The following PHKB variants were observed in gnomAD, a reference collection of about 807,000 sequenced individuals.
PHKB encodes phosphorylase b kinase regulatory subunit beta.
PHKB carries 122 observed loss-of-function variants against 152.1 expected under a neutral mutation model. That is an observed-to-expected ratio of 0.80 (90% CI 0.69 to 0.93). The LOEUF is 0.93. Ranked by LOEUF, PHKB falls within the 40% of genes least tolerant of loss-of-function variation. PHKB has a pLI of 0.00. For missense variants in PHKB, 1,304 were observed against 1,328.4 expected, an observed-to-expected ratio of 0.98 and a Z score of 0.29; for synonymous variants, 436 against 464.9, an observed-to-expected ratio of 0.94 and a Z score of 0.80.
At chr16:47,694,757 C>T (rs1974119306) in intron 28 of PHKB, among the ~76,000 whole-genome samples, 2 of 152,170 alleles carry the variant, frequency 1.3e-5, no homozygotes, top group Admixed American at 1.3e-4. Flanking sequence ...AGTTCAAACC[C>T]TCTGGCAAGG....
intron 7 of PHKB, among the ~76,000 whole-genome samples, chr16:47,567,483 AAG>A (rs1567309299): frequency 6.6e-6 from 1 of 152,120 alleles, no homozygotes. Context: ...GAGATATAAA[AAG>A]AGATAGTTTG....
At chr16:47,482,481 A>G (rs1266788147) in intron 1 of PHKB, among the ~76,000 whole-genome samples, 3 of 152,202 alleles carry the variant, frequency 2.0e-5, no homozygotes, top group South Asian at 2.1e-4. Flanking sequence ...TATAATTTCT[A>G]TACAATTTCT....
chr16:47,514,709 C>T (rs1970567197), intron 5 of PHKB, among the ~76,000 whole-genome samples: 1 of 152,168 alleles, frequency 6.6e-6, no homozygotes, highest in South Asian at 2.1e-4. Context: ...AAATTGACAC[C>T]TAAAATGAAC....
At chr16:47,524,860 G>C (rs191560139) in intron 6 of PHKB, among the ~76,000 whole-genome samples, 212 of 152,164 alleles carry the variant, frequency 1.4e-3, no homozygotes, top group Non-Finnish European at 1.1e-3. Context: ...AGTCTTAAAA[G>C]GGAACACTTT....
At chr16:47,652,625 T>TTTG (rs966162817) in intron 20 of PHKB, among the ~76,000 whole-genome samples, 4 of 152,006 alleles carry the variant, frequency 2.6e-5, no homozygotes, top group Admixed American at 1.3e-4. Flanking sequence ...GGTTGTTTTT[T>TTTG]TTGTTGTTGT....
intron 1 of PHKB, among the ~76,000 whole-genome samples, chr16:47,465,190 C>A (rs1192433586): frequency 6.6e-6 from 1 of 152,188 alleles, no homozygotes; most frequent in African/African-American, 2.4e-5. Flanking sequence ...CAATTGATTT[C>A]TGATTTTATC....
rs1256846212 is a variant in PHKB at position 47,681,390 on chromosome 16, A to C, written c.2631-7651A>C. Among the ~76,000 whole-genome samples, 2 of 148,120 alleles carry C rather than the reference A, an allele frequency of 1.4e-5. 1 individual carries two copies. Among genetic ancestry groups the C allele is most frequent in the Non-Finnish European group, 3.0e-5 (2 of 66,582 alleles). The stretch of plus-strand genomic sequence containing the variant: ...TGGGGTGTTAAAGTCTCCCATTTTT[A>C]CTGTGTGGGAGTCTAAGTCTCTTTG... On this transcript the variant is annotated intron_variant, in intron 26 of 30. Coordinates refer to ENST00000323584, the MANE Select transcript of PHKB (RefSeq NM_000293.3).
At chr16:47,477,674 A>C (rs185326099) in intron 1 of PHKB, among the ~76,000 whole-genome samples, 2 of 152,332 alleles carry the variant, frequency 1.3e-5, no homozygotes, top group African/African-American at 4.8e-5. Context: ...TGATTTTTCT[A>C]TTAAACTGTG....
intron 26 of PHKB, among the ~76,000 whole-genome samples, chr16:47,681,288 A>G (rs200401601): frequency 0.047 from 6,571 of 139,864 alleles, 284 homozygotes; most frequent in Admixed American, 0.11. Context: ...TATTAGGTCC[A>G]CTTGGTGCAG....
rs1464442918 is a variant in PHKB at position 47,671,918 on chromosome 16, A to C, written c.2630+2501A>C. On this transcript the variant is annotated intron_variant, in intron 26 of 30. Coordinates refer to ENST00000323584, the MANE Select transcript of PHKB (RefSeq NM_000293.3). Reference sequence around the variant, plus strand: ...TATGAATGTCCTAGATAAATGTAAAAAAAGATGCAGTGTATTGTTCCACTT... The same window carrying C: ...TATGAATGTCCTAGATAAATGTAAACAAAGATGCAGTGTATTGTTCCACTT... 2.0e-5 allele frequency among the ~76,000 whole-genome samples: 3 copies of C among 152,184 alleles called. No homozygotes were observed. In the East Asian group the frequency reaches 5.8e-4, roughly 29 times the overall value.
At chr16:47,671,899 T>C (rs891060969) in intron 26 of PHKB, among the ~76,000 whole-genome samples, 1 of 152,154 alleles carries the variant, frequency 6.6e-6, no homozygotes, top group Non-Finnish European at 1.5e-5. Flanking sequence ...CATTTATGAA[T>C]GTCCTAGATA....
intron 1 of PHKB, among the ~76,000 whole-genome samples, chr16:47,472,354 C>G (rs140671243): frequency 6.6e-6 from 1 of 152,078 alleles, no homozygotes. Flanking sequence ...TTTCAAATCC[C>G]TGATTAGAAA....
intron 14 of PHKB, among the ~76,000 whole-genome samples, chr16:47,638,311 G>C (rs1047057042): frequency 6.6e-6 from 1 of 152,220 alleles, no homozygotes; most frequent in African/African-American, 2.4e-5. Flanking sequence ...ATCTAGACAA[G>C]GAAGAGGGGA....
In PHKB at chr16:47,652,426, G is replaced by T. The variant is rs530120466; in HGVS notation, c.1971+1505G>T. On this transcript the variant is annotated intron_variant, in intron 20 of 30. Coordinates refer to ENST00000323584, the MANE Select transcript of PHKB (RefSeq NM_000293.3). ...ACATACACAGTAATAGGATTGCTGG[G>T]TTGAATGGTAGTTCTGTTTTAAGTT... Among the ~76,000 whole-genome samples, 18 of 148,524 alleles carry T rather than the reference G, an allele frequency of 1.2e-4. No homozygotes were observed. In the South Asian group the frequency reaches 3.9e-3, roughly 32 times the overall value.
chr16:47,677,130 C>G (rs1431693215), intron 26 of PHKB, among the ~76,000 whole-genome samples: 1 of 152,138 alleles, frequency 6.6e-6, no homozygotes, highest in Non-Finnish European at 1.5e-5. Flanking sequence ...AGTTCATTAG[C>G]ACGGTTCTGA....
chr16:47,521,655 CA>C (rs34948954), intron 6 of PHKB, among the ~76,000 whole-genome samples: 99 of 132,290 alleles, frequency 7.5e-4, no homozygotes, highest in Admixed American at 9.9e-4. Context: ...AACTACGTCT[CA>C]AAAAAAAAAA....
intron 13 of PHKB, among the ~76,000 whole-genome samples, chr16:47,601,228 T>G (rs1972220090): frequency 6.6e-6 from 1 of 152,142 alleles, no homozygotes; most frequent in Non-Finnish European, 1.5e-5. Context: ...AAAAATTGCT[T>G]GAAAATCTTG....
At chr16:47,605,717 A>AT (rs201837289) in intron 13 of PHKB, among the ~76,000 whole-genome samples, 309 of 150,108 alleles carry the variant, frequency 2.1e-3, no homozygotes, top group African/African-American at 6.4e-3. Context: ...GAAAAAGTGT[A>AT]TTTTTTTTTT....
intron 1 of PHKB, among the ~76,000 whole-genome samples, chr16:47,466,873 T>TCCGAGAACTCC (rs1969678523): frequency 6.6e-6 from 1 of 152,162 alleles, no homozygotes; most frequent in African/African-American, 2.4e-5. Flanking sequence ...TCCTGAACTC[T>TCCGAGAACTCC]TGTGGGTTGT....
Sources: allele counts gnomAD v4.1 joint callset (sites outside exome capture counted in the v4.1 genomes callset), GRCh38; gene constraint gnomAD v4.1.1; transcripts MANE v1.5; gene names NCBI Gene and HGNC (gene_info 2026-07-23, HGNC 2026-07-21).